PDGFC: variants seen among roughly 807,000 people sequenced by gnomAD.
PDGFC encodes platelet-derived growth factor C.
Under a neutral mutation model 35.5 loss-of-function variants are expected in PDGFC, and 12 were observed. That is an observed-to-expected ratio of 0.34 (90% CI 0.22 to 0.55). PDGFC has a LOEUF of 0.55. PDGFC is among the 20% of genes least tolerant of loss of function. The probability of loss-of-function intolerance (pLI) is 0.91; values close to 1 mark genes in which losing one functional copy is unlikely to be tolerated. For missense variants in PDGFC, 322 were observed against 412.4 expected, an observed-to-expected ratio of 0.78 and a Z score of 1.90; for synonymous variants, 159 against 148.8, an observed-to-expected ratio of 1.07 and a Z score of -0.50.
intron 1 of PDGFC, among the ~76,000 whole-genome samples, chr4:156,870,568 A>G (rs1239350779): frequency 1.3e-5 from 2 of 152,084 alleles, no homozygotes; most frequent in East Asian, 3.9e-4. Flanking sequence ...TTGTATTTAA[A>G]TGGATCTTCT....
intron 3 of PDGFC, among the ~76,000 whole-genome samples, chr4:156,775,778 C>T (rs2110828537): frequency 6.6e-6 from 1 of 152,302 alleles, no homozygotes; most frequent in East Asian, 1.9e-4. Context: ...TCTTCTGTTA[C>T]TGTATGTATA....
chr4:156,952,844 A>C (rs1036803457), intron 1 of PDGFC, among the ~76,000 whole-genome samples: 3 of 151,882 alleles, frequency 2.0e-5, no homozygotes, highest in African/African-American at 7.2e-5. Flanking sequence ...TCAGTGAAAA[A>C]TTTGTGATCA....
intron 2 of PDGFC, among the ~76,000 whole-genome samples, chr4:156,842,822 C>T (rs183842615): frequency 2.0e-5 from 3 of 152,270 alleles, no homozygotes; most frequent in Admixed American, 6.5e-5. Context: ...AGTAACTGTT[C>T]GTGAGTGTCC....
chr4:156,908,186 C>A (rs1414074995), intron 1 of PDGFC, among the ~76,000 whole-genome samples: 2 of 151,934 alleles, frequency 1.3e-5, no homozygotes, highest in Non-Finnish European at 2.9e-5. Context: ...AAAGCAGCAG[C>A]TTTCCTTTAT....
At chr4:156,849,273 G>A (rs1016996264) in intron 2 of PDGFC, among the ~76,000 whole-genome samples, 1 of 151,968 alleles carries the variant, frequency 6.6e-6, no homozygotes, top group Non-Finnish European at 1.5e-5. Context: ...ACAACAACAT[G>A]AAATGCACAG....
chr4:156,862,074 T>C (rs1729726488), intron 1 of PDGFC, among the ~76,000 whole-genome samples: 1 of 152,172 alleles, frequency 6.6e-6, no homozygotes. Flanking sequence ...ACCTTGAAGT[T>C]AGAAATTCAT....
At chr4:156,766,223 A>G (rs1339998462) in intron 5 of PDGFC, among the ~76,000 whole-genome samples, 1 of 152,158 alleles carries the variant, frequency 6.6e-6, no homozygotes, top group African/African-American at 2.4e-5. Context: ...TAGTCATGCT[A>G]GGACTGGTAG....
chr4:156,873,598 T>A (rs374192808), intron 1 of PDGFC, among the ~76,000 whole-genome samples: 5 of 152,296 alleles, frequency 3.3e-5, no homozygotes, highest in East Asian at 3.9e-4. Context: ...CCTTGCCCAA[T>A]GTAAGAAAAA....
chr4:156,858,668 A>C (rs1729639822), intron 1 of PDGFC, among the ~76,000 whole-genome samples: 1 of 152,124 alleles, frequency 6.6e-6, no homozygotes, highest in South Asian at 2.1e-4. Context: ...AATTAAAATT[A>C]GAAAGTTCAC....
chr4:156,941,328 T>C (rs941350329), intron 1 of PDGFC, among the ~76,000 whole-genome samples: 7 of 152,158 alleles, frequency 4.6e-5, no homozygotes, highest in African/African-American at 7.2e-5. Flanking sequence ...TAGAAAATGA[T>C]TGAAAATGAA....
At chr4:156,786,969 T>G (rs2110866781) in intron 3 of PDGFC, among the ~76,000 whole-genome samples, 1 of 152,270 alleles carries the variant, frequency 6.6e-6, no homozygotes, top group Admixed American at 6.5e-5. Flanking sequence ...GTAGTTTCAA[T>G]AATCCAAATG....
intron 1 of PDGFC, among the ~76,000 whole-genome samples, chr4:156,964,376 C>A (rs1732413586): frequency 6.7e-6 from 1 of 148,792 alleles, no homozygotes; most frequent in Non-Finnish European, 1.5e-5. Flanking sequence ...CCTACAGAAA[C>A]AGAAGTTATC....
intron 5 of PDGFC, among the ~76,000 whole-genome samples, chr4:156,766,141 C>T (rs1054119164): frequency 6.6e-6 from 1 of 152,058 alleles, no homozygotes; most frequent in African/African-American, 2.4e-5. Context: ...GAAAAATAGA[C>T]AATAATTTTG....
intron 1 of PDGFC, among the ~76,000 whole-genome samples, chr4:156,871,156 A>G (rs1281314688): frequency 3.3e-5 from 5 of 152,120 alleles, no homozygotes; most frequent in Non-Finnish European, 7.4e-5. Context: ...AACTTCTATT[A>G]GTAGATGCCA....
intron 1 of PDGFC, 102 bp downstream of exon 1, chr4:156,970,684 A>T: frequency 1.3e-6 from 1 of 745,022 alleles, no homozygotes; most frequent in Middle Eastern, 2.4e-4. Flanking sequence ...GAGAGACCAA[A>T]GATACCTTCA....
chr4:156,847,085 C>A (rs1278615480), intron 2 of PDGFC, among the ~76,000 whole-genome samples: 1 of 151,480 alleles, frequency 6.6e-6, no homozygotes, highest in Non-Finnish European at 1.5e-5. Context: ...ACAGACAAAC[C>A]TTCTTTGCTG....
At chr4:156,825,524 T>C (rs1440002999) in intron 2 of PDGFC, among the ~76,000 whole-genome samples, 2 of 144,830 alleles carry the variant, frequency 1.4e-5, no homozygotes, top group African/African-American at 5.2e-5. Flanking sequence ...CACTATAGAC[T>C]TTCTGACAGA....
chr4:156,889,365 G>A (rs763725368), intron 1 of PDGFC, among the ~76,000 whole-genome samples: 8 of 152,052 alleles, frequency 5.3e-5, no homozygotes, highest in South Asian at 4.1e-4. Context: ...AAGATGTCAC[G>A]TAATCTTCAT....
At chr4:156,805,095 A>G (rs1399330230) in intron 3 of PDGFC, among the ~76,000 whole-genome samples, 4 of 152,084 alleles carry the variant, frequency 2.6e-5, no homozygotes, top group Non-Finnish European at 5.9e-5. Flanking sequence ...CATGATCGTC[A>G]TATGAAAGAG....
Sources: gnomAD v4.1 joint callset for allele counts (sites outside exome capture counted in the v4.1 genomes callset) on GRCh38, gnomAD v4.1.1 for gene constraint, MANE v1.5 for transcripts, NCBI Gene and HGNC (gene_info 2026-07-23, HGNC 2026-07-21) for gene names.